Variants in KREMEN1 observed in about 807,000 individuals in gnomAD.
KREMEN1 encodes kremen protein 1.
KREMEN1 carries 30 observed loss-of-function variants against 46.5 expected under a neutral mutation model. That is an observed-to-expected ratio of 0.65 (90% CI 0.48 to 0.88). The LOEUF is 0.88. KREMEN1 is among the 40% of genes least tolerant of loss of function. The pLI, the probability that KREMEN1 is intolerant of heterozygous loss-of-function variation, is 0.00. For synonymous variants in KREMEN1, 214 were observed against 230.6 expected, an observed-to-expected ratio of 0.93 and a Z score of 0.65; for missense variants, 533 against 596.9, an observed-to-expected ratio of 0.89 and a Z score of 1.11.
At chr22:29,090,756 G>A (rs1356175188) in intron 1 of KREMEN1, among the ~76,000 whole-genome samples, 3 of 152,126 alleles carry the variant, frequency 2.0e-5, no homozygotes, top group Non-Finnish European at 2.9e-5. Context: ...CAGAGCATTC[G>A]AGTTGGTTTC....
chr22:29,159,963 A>G (rs993469342), intron 9 of KREMEN1, among the ~76,000 whole-genome samples: 20 of 152,184 alleles, frequency 1.3e-4, no homozygotes, highest in Admixed American at 1.1e-3. Flanking sequence ...GAGGACTTCA[A>G]CACCCCACTG....
intron 3 of KREMEN1, among the ~76,000 whole-genome samples, chr22:29,115,436 A>T (rs1173144997): frequency 1.3e-5 from 1 of 77,006 alleles, no homozygotes; most frequent in Non-Finnish European, 2.5e-5. Context: ...CTATGGAAAT[A>T]AAAAAAAAAA....
At position 29,144,627 on chromosome 22, in the gene KREMEN1, G is replaced by A. The variant is rs768672274; in HGVS notation, c.*2515G>A. 2 of 985,558 alleles carry A rather than the reference G, an allele frequency of 2.0e-6. No individual in the cohort carries two copies. The highest frequency in any genetic ancestry group is 2.4e-6 in the Non-Finnish European group (2 of 829,988). 61.1% of individuals were successfully genotyped at this position (985,558 alleles called of 1,614,324 possible). On this transcript the variant is annotated 3_prime_UTR_variant, in exon 9 of 9. Coordinates refer to ENST00000400335, the MANE Select transcript of KREMEN1 (RefSeq NM_001039570.3). ...TCTCTCTCAAACATAAGTGTCAGGT[G>A]TGTGTCGTCCCAACGGGTCCTGTGC...
At chr22:29,075,553 C>A (rs1015442066) in intron 1 of KREMEN1, among the ~76,000 whole-genome samples, 1 of 152,122 alleles carries the variant, frequency 6.6e-6, no homozygotes, top group Non-Finnish European at 1.5e-5. Flanking sequence ...CAGCTTGGTG[C>A]CTTACCGTCC....
chr22:29,144,074 C>T lies in KREMEN1; in HGVS notation c.*1962C>T. The T allele has an allele frequency of 4.1e-6, 4 of 985,554 alleles. No homozygotes were observed. The highest frequency in any genetic ancestry group is 9.4e-5 in the South Asian group (2 of 21,296). The allele number at this position is 985,554 out of a possible 1,614,324, so 61.1% of individuals were successfully genotyped here. On this transcript the variant is annotated 3_prime_UTR_variant, in exon 9 of 9. Transcript: ENST00000400335. ...AGCAGCTGAGAAAAGCAGCCTGTGCCTCTGCTGGCCAGGCCTAGGCCCTCG... is the reference window on the plus strand; with the variant it reads ...AGCAGCTGAGAAAAGCAGCCTGTGCTTCTGCTGGCCAGGCCTAGGCCCTCG...
At chr22:29,119,800 A>T (rs2038301407) in intron 3 of KREMEN1, among the ~76,000 whole-genome samples, 1 of 152,262 alleles carries the variant, frequency 6.6e-6, no homozygotes, top group Non-Finnish European at 1.5e-5. Context: ...GGTGGGCTGA[A>T]GAATGGCCCT....
At chr22:29,167,334 G>A in exon 10 of KREMEN1, 1 of 554,722 alleles carries the variant, frequency 1.8e-6, no homozygotes, top group Non-Finnish European at 3.2e-6. Flanking sequence ...ACTCCAGCCT[G>A]AGCAGCAGAG....
chr22:29,131,560 A>ATATATATATATGTG (rs1240832937), intron 5 of KREMEN1, among the ~76,000 whole-genome samples: 3 of 69,936 alleles, frequency 4.3e-5, no homozygotes, highest in African/African-American at 8.4e-5. Flanking sequence ...ATATATATAT[A>ATATATATATATGTG]TGTGTGTGTG....
chr22:29,146,763 G>T lies in KREMEN1; in HGVS notation c.*4651G>T. 1.0e-6 allele frequency: 1 copy of T among 954,340 alleles called. No individual in the cohort carries two copies. The highest frequency in any genetic ancestry group is 1.2e-6 in the Non-Finnish European group (1 of 801,416). 59.1% of individuals were successfully genotyped at this position (954,340 alleles called of 1,614,324 possible). On this transcript the variant is annotated 3_prime_UTR_variant, in exon 9 of 9. Transcript: ENST00000400335. ...AATGTAATGGTACTTTTACAAACGAGAAAAAATGTTATTTTTACTTTCTGG... is the reference window on the plus strand; with the variant it reads ...AATGTAATGGTACTTTTACAAACGATAAAAAATGTTATTTTTACTTTCTGG...
chr22:29,114,486 C>A (rs1218449555), intron 3 of KREMEN1, among the ~76,000 whole-genome samples: 176 of 87,804 alleles, frequency 2.0e-3, no homozygotes, highest in Admixed American at 4.2e-3. Flanking sequence ...AACTCCGTGT[C>A]AAAAAAAAAA....
chr22:29,078,332 C>T (rs2037603636), intron 1 of KREMEN1, among the ~76,000 whole-genome samples: 1 of 152,132 alleles, frequency 6.6e-6, no homozygotes, highest in African/African-American at 2.4e-5. Flanking sequence ...TCAGTGTACA[C>T]TACATAAATA....
intron 1 of KREMEN1, among the ~76,000 whole-genome samples, chr22:29,077,778 T>C (rs888925119): frequency 3.9e-5 from 6 of 152,188 alleles, no homozygotes; most frequent in African/African-American, 9.7e-5. Flanking sequence ...CTAGAAAAGG[T>C]GAGAAGGAGG....
At chr22:29,114,870 C>G (rs1436530481) in intron 3 of KREMEN1, among the ~76,000 whole-genome samples, 1 of 152,134 alleles carries the variant, frequency 6.6e-6, no homozygotes, top group Non-Finnish European at 1.5e-5. Flanking sequence ...TAAGAAAGAT[C>G]TAATGCATGT....
intron 3 of KREMEN1, among the ~76,000 whole-genome samples, chr22:29,099,849 C>T (rs2037947876): frequency 6.6e-6 from 1 of 151,526 alleles, no homozygotes; most frequent in Non-Finnish European, 1.5e-5. Flanking sequence ...CACCCGGCAC[C>T]TGTATTCACT....
chr22:29,074,746 C>T (rs1245365352), intron 1 of KREMEN1, among the ~76,000 whole-genome samples: 3 of 152,144 alleles, frequency 2.0e-5, no homozygotes, highest in African/African-American at 7.2e-5. Context: ...CTTGGATTAG[C>T]GAAAAAGCTA....
intron 3 of KREMEN1, among the ~76,000 whole-genome samples, chr22:29,106,012 T>G (rs2038053889): frequency 2.0e-5 from 3 of 152,214 alleles, no homozygotes; most frequent in South Asian, 4.1e-4. Flanking sequence ...CCATTATCCC[T>G]GATAAGGGTT....
chr22:29,093,568 A>G (rs1414826264), intron 1 of KREMEN1, among the ~76,000 whole-genome samples: 2 of 152,174 alleles, frequency 1.3e-5, no homozygotes, highest in African/African-American at 4.8e-5. Context: ...TGGACCTGAG[A>G]CCATTTTCAA....
chr22:29,125,479 C>T (rs2038427389), intron 5 of KREMEN1, 63 bp downstream of exon 5: 1 of 1,529,072 alleles, frequency 6.5e-7, no homozygotes, highest in African/African-American at 1.4e-5. Context: ...GAGCAACAAG[C>T]CTGCCCACCC....
rs36063476 is a variant in KREMEN1, at chr22:29,106,218, CTT to C, written c.352+7278_352+7279del. ...CAAAAAGCACTTATATTCACATTAT[CTT>C]TTTTTTTTTTTTCTTTTTGAGACAG... On this transcript the variant is annotated intron_variant, in intron 3 of 8. Coordinates refer to ENST00000400335, the MANE Select transcript of KREMEN1 (RefSeq NM_001039570.3). Among the ~76,000 whole-genome samples, 562 of 143,202 alleles carry C rather than the reference CTT, an allele frequency of 3.9e-3. 5 individuals are homozygous for C. Among genetic ancestry groups the C allele is most frequent in the African/African-American group, 0.01 (401 of 38,810 alleles). 93.9% of individuals were successfully genotyped at this position (143,202 alleles called of 152,430 possible).
Sources: allele counts gnomAD v4.1 joint callset (sites outside exome capture counted in the v4.1 genomes callset), GRCh38; gene constraint gnomAD v4.1.1; transcripts MANE v1.5; gene names NCBI Gene and HGNC (gene_info 2026-07-23, HGNC 2026-07-21).